ZBTB7C: variants seen among roughly 807,000 people sequenced by gnomAD.
ZBTB7C encodes zinc finger and BTB domain containing 7C.
Under a neutral mutation model 25.7 loss-of-function variants are expected in ZBTB7C, and 8 were observed. That is an observed-to-expected ratio of 0.31 (90% CI 0.18 to 0.56). ZBTB7C has a LOEUF of 0.56. Ranked by LOEUF, ZBTB7C falls within the 20% of genes least tolerant of loss-of-function variation. The pLI is 0.91. For synonymous variants in ZBTB7C, 394 were observed against 369.0 expected (o/e 1.07, Z -0.78); for missense variants, 824 against 855.2 (o/e 0.96, Z 0.46).
chr18:48,085,528 G>C (rs1016176393), intron 3 of ZBTB7C, among the ~76,000 whole-genome samples: 1 of 152,342 alleles, frequency 6.6e-6, no homozygotes, highest in Admixed American at 6.5e-5. Context: ...CTCTGAGCAA[G>C]TGACTGAACG....
chr18:48,153,938 C>A (rs1251673055), intron 3 of ZBTB7C, among the ~76,000 whole-genome samples: 2 of 152,198 alleles, frequency 1.3e-5, no homozygotes, highest in Non-Finnish European at 2.9e-5. Flanking sequence ...GAACAGCCAG[C>A]TCTGAGGAAA....
intron 2 of ZBTB7C, among the ~76,000 whole-genome samples, chr18:48,229,056 A>G (rs16948938): frequency 0.045 from 6,836 of 152,130 alleles, 545 homozygotes; most frequent in African/African-American, 0.15. Flanking sequence ...GGAGGCGGAA[A>G]AACAAGACAG....
chr18:48,284,074 G>A (rs1254586828), intron 2 of ZBTB7C, among the ~76,000 whole-genome samples: 1 of 152,048 alleles, frequency 6.6e-6, no homozygotes, highest in Non-Finnish European at 1.5e-5. Context: ...TTGAACCCGG[G>A]AGGCAGAGGT....
intron 1 of ZBTB7C, among the ~76,000 whole-genome samples, chr18:48,338,911 T>TG (rs71165319): frequency 0.3 from 41,552 of 137,608 alleles, 6,307 homozygotes; most frequent in East Asian, 0.53. Flanking sequence ...TGTAGTTTGT[T>TG]GGGGGGGGGG....
intron 3 of ZBTB7C, among the ~76,000 whole-genome samples, chr18:48,066,930 T>G (rs529986556): frequency 2.0e-5 from 3 of 152,068 alleles, no homozygotes; most frequent in Admixed American, 6.6e-5. Flanking sequence ...GGTCAAACCC[T>G]GTCTCTACTA....
At chr18:48,275,369 G>A (rs1187176089) in intron 2 of ZBTB7C, among the ~76,000 whole-genome samples, 2 of 152,148 alleles carry the variant, frequency 1.3e-5, no homozygotes, top group African/African-American at 4.8e-5. Context: ...ATCTGTCAGC[G>A]AATTTCAATT....
Position 48,313,665 on chromosome 18 carries a change from C to T in ZBTB7C, c.-79+24509G>A, listed in dbSNP as rs113406334. Among the ~76,000 whole-genome samples the T allele has an allele frequency of 9.4e-3, 1,426 of 152,244 alleles. 20 individuals are homozygous for T. Among genetic ancestry groups the T allele is most frequent in the Non-Finnish European group, 0.013 (901 of 67,998 alleles). On this transcript the variant is annotated intron_variant, in intron 2 of 4. Coordinates refer to ENST00000590800, the MANE Select transcript of ZBTB7C (RefSeq NM_001318841.2). ...ACCTGCGTGTTTTAACTGCAATCTCCGGGGCATGGGTAAGTAGAGCTGGTC... is the reference window on the plus strand; with the variant it reads ...ACCTGCGTGTTTTAACTGCAATCTCTGGGGCATGGGTAAGTAGAGCTGGTC...
intron 1 of ZBTB7C, among the ~76,000 whole-genome samples, chr18:48,373,732 C>T (rs948584139): frequency 4.6e-5 from 7 of 152,124 alleles, no homozygotes; most frequent in East Asian, 3.9e-4. Context: ...GAGGTCAAGG[C>T]GGGCAGATCA....
At chr18:48,390,844 T>C (rs887859408) in intron 1 of ZBTB7C, among the ~76,000 whole-genome samples, 2 of 152,330 alleles carry the variant, frequency 1.3e-5, no homozygotes, top group African/African-American at 4.8e-5. Flanking sequence ...GTGCAGTCAC[T>C]GGGTCTCCCT....
chr18:48,351,324 G>A (rs1451822977), intron 1 of ZBTB7C, among the ~76,000 whole-genome samples: 2 of 152,118 alleles, frequency 1.3e-5, no homozygotes, highest in Non-Finnish European at 2.9e-5. Flanking sequence ...TGTTGGTGAC[G>A]GGGCAGGAGT....
At position 48,322,118 on chromosome 18, in the gene ZBTB7C, G is replaced by A. The variant is rs904785021; in HGVS notation, c.-79+16056C>T. 2.0e-5 allele frequency among the ~76,000 whole-genome samples: 3 copies of A among 152,150 alleles called. No homozygotes were observed. The South Asian group carries it at 6.2e-4, about 32-fold the overall frequency. On this transcript the variant is annotated intron_variant, in intron 2 of 4. Coordinates refer to ENST00000590800, the MANE Select transcript of ZBTB7C (RefSeq NM_001318841.2). ...ATTTTCCCTAGAGAGAGGCTTCCTA[G>A]CTTCCTCCTGCCCCTCCTTAGAGAC...
chr18:48,179,370 G>T (rs1002613687), intron 3 of ZBTB7C, among the ~76,000 whole-genome samples: 3 of 152,200 alleles, frequency 2.0e-5, no homozygotes, highest in Non-Finnish European at 2.9e-5. Flanking sequence ...TCACTTGGGG[G>T]CCTTCCAGCC....
At chr18:48,257,785 TG>T (rs2044061303) in intron 2 of ZBTB7C, among the ~76,000 whole-genome samples, 1 of 145,482 alleles carries the variant, frequency 6.9e-6, no homozygotes, top group African/African-American at 2.6e-5. Flanking sequence ...ATTAACAAGC[TG>T]AAAAAAAAAA....
chr18:48,137,186 T>C, intron 3 of ZBTB7C: 1 of 985,428 alleles, frequency 1.0e-6, no homozygotes, highest in Non-Finnish European at 1.2e-6. Flanking sequence ...GAGAGAGCAC[T>C]CCCTCCCCAC....
At chr18:48,188,229 C>T (rs1322977485) in intron 2 of ZBTB7C, among the ~76,000 whole-genome samples, 1 of 152,166 alleles carries the variant, frequency 6.6e-6, no homozygotes, top group Non-Finnish European at 1.5e-5. Flanking sequence ...ATAATAAAGA[C>T]ATACCCGAGA....
intron 4 of ZBTB7C, among the ~76,000 whole-genome samples, chr18:48,030,450 G>C (rs2035694754): frequency 1.3e-5 from 2 of 152,140 alleles, no homozygotes; most frequent in Admixed American, 6.5e-5. Context: ...TAGAAGCTTG[G>C]GCACACCTTG....
chr18:48,340,523 A>T (rs1026766054), intron 1 of ZBTB7C, among the ~76,000 whole-genome samples: 2 of 152,200 alleles, frequency 1.3e-5, no homozygotes, highest in African/African-American at 4.8e-5. Flanking sequence ...TGTGCAGAAG[A>T]TGCCATGGGG....
intron 2 of ZBTB7C, among the ~76,000 whole-genome samples, chr18:48,199,312 CT>C (rs1403931891): frequency 1.3e-5 from 2 of 152,216 alleles, no homozygotes; most frequent in Non-Finnish European, 2.9e-5. Flanking sequence ...ACTCCTACTG[CT>C]GGCCCTCCTA....
intron 2 of ZBTB7C, among the ~76,000 whole-genome samples, chr18:48,284,243 C>A (rs568326993): frequency 6.6e-6 from 1 of 152,074 alleles, no homozygotes; most frequent in Non-Finnish European, 1.5e-5. Context: ...CTGCTGAGTT[C>A]GAGACCAGCT....
Sources: allele counts gnomAD v4.1 joint callset (sites outside exome capture counted in the v4.1 genomes callset), GRCh38; gene constraint gnomAD v4.1.1; transcripts MANE v1.5; gene names NCBI Gene and HGNC (gene_info 2026-07-23, HGNC 2026-07-21).